The following ADCY2 variants were observed in gnomAD, a reference collection of about 807,000 sequenced individuals.
ADCY2 encodes the protein adenylate cyclase type 2.
In ADCY2, 31 loss-of-function variants were observed where a neutral mutation model predicts 125.2. The ratio of observed to expected loss-of-function variants is 0.25; its 90% CI spans 0.19 to 0.33. ADCY2 has a LOEUF of 0.33. ADCY2 is among the 10% of genes least tolerant of loss of function. ADCY2 has a pLI of 1.00. For missense variants in ADCY2, 904 were observed against 1,418.2 expected (o/e 0.64, Z 5.82); for synonymous variants, 512 against 548.4 (o/e 0.93, Z 0.93).
chr5:7,636,538 C>T (rs1007173471), intron 4 of ADCY2, among the ~76,000 whole-genome samples: 1 of 152,126 alleles, frequency 6.6e-6, no homozygotes, highest in African/African-American at 2.4e-5. Flanking sequence ...TCTTGATTGA[C>T]CACCTTGAGA....
At chr5:7,481,544 GGCGTGAGCCACCAC>G (rs1462133915) in intron 2 of ADCY2, among the ~76,000 whole-genome samples, 1 of 152,120 alleles carries the variant, frequency 6.6e-6, no homozygotes, top group Non-Finnish European at 1.5e-5. Context: ...TGGGATTACA[GGCGTGAGCCACCAC>G]GCCTGGCCTA....
At chr5:7,531,380 C>T (rs1157648565) in intron 3 of ADCY2, among the ~76,000 whole-genome samples, 1 of 152,210 alleles carries the variant, frequency 6.6e-6, no homozygotes, top group Non-Finnish European at 1.5e-5. Flanking sequence ...TGCACTTCTA[C>T]AGCTCCATGT....
chr5:7,758,769 G>A (rs950714019), intron 16 of ADCY2, among the ~76,000 whole-genome samples: 2 of 152,170 alleles, frequency 1.3e-5, no homozygotes, highest in African/African-American at 4.8e-5. Context: ...AGGGCGGAAA[G>A]GAGGAGTCTG....
intron 22 of ADCY2, among the ~76,000 whole-genome samples, chr5:7,811,453 A>G (rs1314533705): frequency 2.6e-5 from 4 of 151,606 alleles, no homozygotes; most frequent in South Asian, 4.2e-4. Context: ...GTAAGTCGAG[A>G]TTCCGCCACT....
intron 3 of ADCY2, among the ~76,000 whole-genome samples, chr5:7,579,481 C>T (rs1431134398): frequency 6.6e-6 from 1 of 151,998 alleles, no homozygotes; most frequent in East Asian, 1.9e-4. Context: ...AACTCTACAC[C>T]TGAGACTGGC....
At chr5:7,490,855 CA>C (rs1310511031) in intron 2 of ADCY2, among the ~76,000 whole-genome samples, 2 of 152,158 alleles carry the variant, frequency 1.3e-5, no homozygotes, top group South Asian at 2.1e-4. Flanking sequence ...TTATAAATCA[CA>C]GTCACCGTAA....
chr5:7,601,017 G>A (rs573564175), intron 3 of ADCY2, among the ~76,000 whole-genome samples: 1 of 152,152 alleles, frequency 6.6e-6, no homozygotes, highest in Non-Finnish European at 1.5e-5. Context: ...TTATGTTCAT[G>A]AATTTTGAAA....
intron 4 of ADCY2, among the ~76,000 whole-genome samples, chr5:7,678,456 C>A (rs1446030677): frequency 6.6e-6 from 1 of 152,194 alleles, no homozygotes; most frequent in East Asian, 1.9e-4. Context: ...TCCTTCTCTG[C>A]AGTTCCCCTG....
chr5:7,499,832 A>G (rs1484830412), intron 2 of ADCY2, among the ~76,000 whole-genome samples: 2 of 151,642 alleles, frequency 1.3e-5, no homozygotes, highest in Non-Finnish European at 2.9e-5. Context: ...TAAATGCAGT[A>G]TTATATACAC....
At chr5:7,669,657 A>G (rs1739867947) in intron 4 of ADCY2, among the ~76,000 whole-genome samples, 1 of 152,108 alleles carries the variant, frequency 6.6e-6, no homozygotes, top group Admixed American at 6.5e-5. Flanking sequence ...TTGTGGGGGG[A>G]ACCAGTTGCT....
chr5:7,538,854 TC>T (rs374101676), intron 3 of ADCY2, among the ~76,000 whole-genome samples: 6 of 136,544 alleles, frequency 4.4e-5, no homozygotes, highest in African/African-American at 7.6e-5. Flanking sequence ...TTTTTTCTTT[TC>T]TTTTCTTTTC....
At chr5:7,521,281 T>A (rs75063934) in intron 3 of ADCY2, among the ~76,000 whole-genome samples, 2,997 of 152,326 alleles carry the variant, frequency 0.02, 119 homozygotes, top group African/African-American at 0.068. Flanking sequence ...ACCTTTGCTC[T>A]ACCTTGATAT....
intron 2 of ADCY2, among the ~76,000 whole-genome samples, chr5:7,461,177 A>G (rs1296196043): frequency 6.6e-6 from 1 of 152,156 alleles, no homozygotes; most frequent in Admixed American, 6.5e-5. Context: ...ACTTCCAGGA[A>G]GAAACCTTAC....
At position 7,693,258 on chromosome 5, in the gene ADCY2, A is replaced by G. The variant is rs1163600071; in HGVS notation, c.869+2419A>G. 2.0e-5 allele frequency among the ~76,000 whole-genome samples: 3 copies of G among 152,164 alleles called. No homozygotes were observed. The East Asian group carries it at 5.8e-4, about 29-fold the overall frequency. On this transcript the variant is annotated intron_variant, in intron 5 of 24. Coordinates refer to ENST00000338316, the MANE Select transcript of ADCY2 (RefSeq NM_020546.3). ...AGTTCTAACTGACCTGCCTGCGTCC[A>G]GGTTGCCACAGCAGGAGTGATCTTT...
chr5:7,451,435 C>T (rs1053484874), intron 2 of ADCY2, among the ~76,000 whole-genome samples: 1 of 152,184 alleles, frequency 6.6e-6, no homozygotes, highest in Non-Finnish European at 1.5e-5. Context: ...AAGATGTGAA[C>T]AAATTATTGC....
chr5:7,635,840 A>C (rs1201626998), intron 4 of ADCY2, among the ~76,000 whole-genome samples: 1 of 152,130 alleles, frequency 6.6e-6, no homozygotes, highest in Non-Finnish European at 1.5e-5. Context: ...GTTTTTTCCT[A>C]ATTTAGTCTT....
chr5:7,621,966 A>T (rs1737968306), intron 3 of ADCY2, among the ~76,000 whole-genome samples: 1 of 152,174 alleles, frequency 6.6e-6, no homozygotes, highest in Non-Finnish European at 1.5e-5. Context: ...CTTGACTGCT[A>T]TTATTACCTT....
At chr5:7,677,810 T>C (rs1011889691) in intron 4 of ADCY2, among the ~76,000 whole-genome samples, 1 of 152,224 alleles carries the variant, frequency 6.6e-6, no homozygotes, top group African/African-American at 2.4e-5. Context: ...TTTGGGGTGA[T>C]TTGTTTTGCA....
chr5:7,814,560 A>G (rs571667092), intron 22 of ADCY2, among the ~76,000 whole-genome samples: 6 of 152,188 alleles, frequency 3.9e-5, no homozygotes, highest in African/African-American at 1.4e-4. Flanking sequence ...TGCAATCCCC[A>G]TGCACACTCC....
Sources: gnomAD v4.1 joint callset for allele counts (sites outside exome capture counted in the v4.1 genomes callset) on GRCh38, gnomAD v4.1.1 for gene constraint, MANE v1.5 for transcripts, NCBI Gene and HGNC (gene_info 2026-07-23, HGNC 2026-07-21) for gene names.